Variants in HOMER1 observed in about 807,000 individuals in gnomAD.
The protein encoded by HOMER1 is homer protein homolog 1.
Under a neutral mutation model 48.9 loss-of-function variants are expected in HOMER1, and 3 were observed. That is an observed-to-expected ratio of 0.06 (90% CI 0.03 to 0.16). The LOEUF (loss-of-function observed/expected upper bound fraction) is 0.16. Ranked by LOEUF, HOMER1 falls within the 10% of genes least tolerant of loss-of-function variation. The probability of loss-of-function intolerance (pLI) is 1.00; values close to 1 mark genes in which losing one functional copy is unlikely to be tolerated. For missense variants in HOMER1, 247 were observed against 411.4 expected (o/e 0.60, Z 3.46); for synonymous variants, 134 against 146.4 (o/e 0.92, Z 0.61).
intron 8 of HOMER1, among the ~76,000 whole-genome samples, chr5:79,388,457 T>C (rs1031836261): frequency 1.3e-5 from 2 of 151,944 alleles, no homozygotes; most frequent in East Asian, 1.9e-4. Context: ...CAAAAGGAAA[T>C]AGAAAATAGA....
chr5:79,451,975 A>G (rs116464280), intron 2 of HOMER1, among the ~76,000 whole-genome samples: 1,915 of 152,302 alleles, frequency 0.013, 12 homozygotes, highest in Admixed American at 0.019. Context: ...TTACTCAAGG[A>G]AAAAACAAAC....
At chr5:79,506,855 A>AAT (rs113846015) in intron 1 of HOMER1, among the ~76,000 whole-genome samples, 242 of 151,294 alleles carry the variant, frequency 1.6e-3, no homozygotes, top group Middle Eastern at 3.4e-3. Context: ...CAAACAAAAA[A>AAT]ATATATATAT....
intron 1 of HOMER1, among the ~76,000 whole-genome samples, chr5:79,482,738 C>T (rs1751980538): frequency 6.6e-6 from 1 of 151,956 alleles, no homozygotes; most frequent in Non-Finnish European, 1.5e-5. Flanking sequence ...TAGCTCATAC[C>T]TGTAATCCCA....
intron 5 of HOMER1, among the ~76,000 whole-genome samples, chr5:79,412,761 A>C (rs1053859349): frequency 6.6e-6 from 1 of 152,262 alleles, no homozygotes; most frequent in Admixed American, 6.5e-5. Context: ...AGTTGACACA[A>C]AGAATGAGGA....
intron 2 of HOMER1, among the ~76,000 whole-genome samples, chr5:79,454,589 A>G (rs567126971): frequency 7.0e-4 from 107 of 152,292 alleles, no homozygotes; most frequent in Non-Finnish European, 1.1e-3. Context: ...CTATTTCTCA[A>G]GTCCTTTAAA....
intron 5 of HOMER1, among the ~76,000 whole-genome samples, chr5:79,410,574 G>A (rs980314578): frequency 6.8e-6 from 1 of 147,980 alleles, no homozygotes; most frequent in South Asian, 2.1e-4. Flanking sequence ...TGTTCTCTTT[G>A]TAGCTTCTTC....
intron 1 of HOMER1, among the ~76,000 whole-genome samples, chr5:79,495,651 C>T (rs1031533310): frequency 6.6e-6 from 1 of 152,192 alleles, no homozygotes; most frequent in Non-Finnish European, 1.5e-5. Flanking sequence ...ACCTTAGTTA[C>T]CTGACACAGC....
At chr5:79,426,977 T>C (rs1750275149) in intron 5 of HOMER1, among the ~76,000 whole-genome samples, 1 of 152,200 alleles carries the variant, frequency 6.6e-6, no homozygotes, top group African/African-American at 2.4e-5. Context: ...GTTAATTTAG[T>C]GACTTAATTC....
intron 8 of HOMER1, among the ~76,000 whole-genome samples, chr5:79,388,598 T>A (rs1211813424): frequency 6.6e-6 from 1 of 152,070 alleles, no homozygotes; most frequent in East Asian, 1.9e-4. Flanking sequence ...TTGAATTATA[T>A]ATTGAAAAAC....
chr5:79,434,165 T>C (rs1750506657), intron 5 of HOMER1, among the ~76,000 whole-genome samples: 1 of 152,116 alleles, frequency 6.6e-6, no homozygotes, highest in Admixed American at 6.5e-5. Context: ...CTCGAAAATA[T>C]GACAACAATT....
At chr5:79,511,019 A>G (rs571249223) in intron 1 of HOMER1, 21 of 302,350 alleles carry the variant, frequency 6.9e-5, no homozygotes, top group Non-Finnish European at 1.2e-4. Context: ...TCAGGCAGGG[A>G]AAAAAAAATT....
intron 5 of HOMER1, among the ~76,000 whole-genome samples, chr5:79,435,470 A>T (rs895640139): frequency 1.4e-4 from 21 of 152,218 alleles, no homozygotes; most frequent in Admixed American, 1.2e-3. Context: ...AATCAACTAA[A>T]ACAGAAATAC....
intron 8 of HOMER1, among the ~76,000 whole-genome samples, chr5:79,384,487 C>T (rs1043618354): frequency 2.0e-5 from 3 of 152,058 alleles, no homozygotes; most frequent in African/African-American, 7.2e-5. Context: ...TAATGAGTAG[C>T]AAGACTGAAT....
chr5:79,414,281 G>A (rs1199645809), intron 5 of HOMER1, among the ~76,000 whole-genome samples: 3 of 150,742 alleles, frequency 2.0e-5, no homozygotes, highest in Admixed American at 1.3e-4. Flanking sequence ...TTTTTGTACA[G>A]ATGCAGTTTT....
intron 1 of HOMER1, among the ~76,000 whole-genome samples, chr5:79,457,387 C>T (rs1442458799): frequency 6.6e-6 from 1 of 152,160 alleles, no homozygotes; most frequent in African/African-American, 2.4e-5. Context: ...AGTGACAATG[C>T]CTTCTTGTTT....
intron 6 of HOMER1, 55 bp from the exon 7 acceptor site, chr5:79,397,692 T>C (rs1179770188): frequency 4.0e-6 from 4 of 991,252 alleles, no homozygotes; most frequent in Non-Finnish European, 6.3e-6. Context: ...AAGAGTTTCT[T>C]GCTAAATACA....
intron 1 of HOMER1, chr5:79,510,546 A>AG: frequency 2.7e-6 from 2 of 748,932 alleles, no homozygotes; most frequent in Non-Finnish European, 4.8e-6. Flanking sequence ...GTGGACCCCA[A>AG]GTTCCTGAGG....
intron 1 of HOMER1, among the ~76,000 whole-genome samples, chr5:79,487,270 TC>T (rs369374833): frequency 7.1e-4 from 108 of 152,066 alleles, no homozygotes; most frequent in African/African-American, 2.6e-3. Flanking sequence ...AGAGTGAAAC[TC>T]CATCTCAAAA....
rs567569849 is a variant in HOMER1, at chr5:79,465,531, CTTAAA to C, written c.6-8518_6-8514del. Among the ~76,000 whole-genome samples, 703 of 142,738 alleles carry C rather than the reference CTTAAA, an allele frequency of 4.9e-3. 4 individuals carry two copies. Among genetic ancestry groups the C allele is most frequent in the African/African-American group, 0.015 (577 of 38,104 alleles). 93.6% of individuals were successfully genotyped at this position (142,738 alleles called of 152,430 possible). ...AAATTTCCATTTGGAAATTAAGATT[CTTAAA>C]TTATATAAAAATACACTTAAAGAGT... On this transcript the variant is annotated intron_variant, in intron 1 of 8. Transcript: ENST00000334082.
Sources: gnomAD v4.1 joint callset for allele counts (sites outside exome capture counted in the v4.1 genomes callset) on GRCh38, gnomAD v4.1.1 for gene constraint, MANE v1.5 for transcripts, NCBI Gene and HGNC (gene_info 2026-07-23, HGNC 2026-07-21) for gene names.